WNT4: variants seen among roughly 807,000 people sequenced by gnomAD.
WNT4 encodes Wnt family member 4.
In WNT4, 16 loss-of-function variants were observed where a neutral mutation model predicts 34.5. That is an observed-to-expected ratio of 0.46 (90% CI 0.31 to 0.70). WNT4 has a LOEUF of 0.70. WNT4 is among the 30% of genes least tolerant of loss of function. WNT4 has a pLI of 0.04. For synonymous variants in WNT4, 200 were observed against 211.9 expected, an observed-to-expected ratio of 0.94 and a Z score of 0.49; for missense variants, 379 against 495.9, an observed-to-expected ratio of 0.76 and a Z score of 2.24.
At chr1:22,131,379 G>A (rs1248790449) in intron 1 of WNT4, among the ~76,000 whole-genome samples, 1 of 152,248 alleles carries the variant, frequency 6.6e-6, no homozygotes. Flanking sequence ...TCCCAGTGGG[G>A]GTTGGTGGGC....
At chr1:22,141,993 C>G (rs1646071608) in intron 1 of WNT4, among the ~76,000 whole-genome samples, 1 of 152,178 alleles carries the variant, frequency 6.6e-6, no homozygotes, top group African/African-American at 2.4e-5. Context: ...GGGGAACTGT[C>G]CCTGAGCGGG....
At position 22,120,359 on chromosome 1, in the gene WNT4, C is replaced by A. The variant is rs761338261; in HGVS notation, c.747G>T (p.Val249=). The change falls in exon 5 of 5, where the codon GTG becomes GTT. Residue 249 remains valine (V), a synonymous_variant. Transcript: ENST00000290167. ...GTGGCACCAGTGCCCTGGAGGAGCC[C>A]ACGCGGCGTGGCTCCACCTCAGTGG... ...DGATEVEPRR[V]GSSRALVPRN... 1 of 1,614,224 alleles carries A rather than the reference C, an allele frequency of 6.2e-7. No homozygotes were observed. Among genetic ancestry groups the A allele is most frequent in the Non-Finnish European group, 8.5e-7 (1 of 1,180,046 alleles).
intron 2 of WNT4, chr1:22,127,083 A>G (rs1645945852): frequency 5.7e-6 from 2 of 352,360 alleles, no homozygotes; most frequent in African/African-American, 2.2e-5. Context: ...CAAAAACGTA[A>G]AAGGGAGGAG....
In WNT4 at chr1:22,120,121, T is replaced by C. The variant is rs1557921829; in HGVS notation, c.985A>G (p.Lys329Glu). The part of the protein sequence containing the change: ...QVELAERCSC[K>E]FHWCCFVKCR... ...TTGACGAAGCAGCACCAGTGGAATT[T>C]GCAGCTGCAGCGTTCAGCCAGCTCC... Residue 329 changes from lysine to glutamate, a missense_variant, in exon 5 of 5, where the codon AAA becomes GAA. Transcript: ENST00000290167. The C allele has an allele frequency of 6.2e-7, 1 of 1,613,242 alleles. No individual in the cohort carries two copies. The highest frequency in any genetic ancestry group is 1.6e-4 in the Middle Eastern group (1 of 6,062).
At position 22,120,524 on chromosome 1, in the gene WNT4, G is replaced by A. The variant is rs779315693; in HGVS notation, c.589-7C>T. Reference sequence around the variant, plus strand: ...GCATGTGTGTCAGGATGGCCTGTGGGAGAGGGTGGGGGAGAGGGGCCATCA... The same window carrying A: ...GCATGTGTGTCAGGATGGCCTGTGGAAGAGGGTGGGGGAGAGGGGCCATCA... On this transcript the variant is annotated splice_region_variant and splice_polypyrimidine_tract_variant and intron_variant, in intron 4 of 4. Transcript: ENST00000290167. 6.2e-7 allele frequency: 1 copy of A among 1,605,530 alleles called. No individual in the cohort carries two copies. Among genetic ancestry groups the A allele is most frequent in the South Asian group, 1.1e-5 (1 of 90,176 alleles).
rs149484246 is a variant in WNT4 at position 22,131,141 on chromosome 1, C to T, written c.78-1290G>A. On this transcript the variant is annotated intron_variant, in intron 1 of 4. Transcript: ENST00000290167. The stretch of plus-strand genomic sequence containing the variant: ...CAGTATTCTCTGTGTGGCTCAAAGA[C>T]TAGAATTGACACTGTGGCCAGAAGC... 6.6e-5 allele frequency among the ~76,000 whole-genome samples: 10 copies of T among 152,358 alleles called. No individual in the cohort carries two copies. In the East Asian group the frequency reaches 1.3e-3, roughly 21 times the overall value.
Position 22,142,644 on chromosome 1 carries a change from A to G in WNT4, c.77+202T>C, listed in dbSNP as rs2124145261. Among the ~76,000 whole-genome samples the G allele has an allele frequency of 1.3e-5, 2 of 151,398 alleles. No individual in the cohort carries two copies. The highest frequency in any genetic ancestry group is 4.2e-4 in the South Asian group (2 of 4,792). On this transcript the variant is annotated intron_variant, in intron 1 of 4. Transcript: ENST00000290167. The surrounding 1 kb of genome is among the most constrained non-coding windows in gnomAD (Gnocchi z 6.0). Reference sequence around the variant, plus strand: ...CTGACGCCTCTGGGCAGGGAGCCGGACCCGGGCAGGAGGGGACCCCGGGTG... The same window carrying G: ...CTGACGCCTCTGGGCAGGGAGCCGGGCCCGGGCAGGAGGGGACCCCGGGTG...
chr1:22,129,569 C>T (rs763552648), intron 2 of WNT4, 47 bp downstream of exon 2: 1 of 1,583,828 alleles, frequency 6.3e-7, no homozygotes, highest in Non-Finnish European at 8.6e-7. Flanking sequence ...TGGGCCCATG[C>T]CCTGGCACCG....
At chr1:22,127,444 A>G (rs1236400679) in intron 2 of WNT4, 1 of 533,414 alleles carries the variant, frequency 1.9e-6, no homozygotes, top group Admixed American at 1.9e-5. Context: ...CTGTCAGTAG[A>G]TGACATCCAC....
chr1:22,138,262 T>C (rs1646037414), intron 1 of WNT4, among the ~76,000 whole-genome samples: 1 of 152,182 alleles, frequency 6.6e-6, no homozygotes, highest in African/African-American at 2.4e-5. Context: ...TCTGGGCCTC[T>C]GAAGTGGGGC....
chr1:22,142,873 A>G lies in WNT4; in HGVS notation c.50T>C (p.Val17Ala), dbSNP rs1646082841. The stretch of plus-strand genomic sequence containing the variant: ...CCAGTTGCTCGCGGCGGCTGAGAAG[A>G]CGGCGAAGACGAGGAGGCGCAGCGA... ...LRSLRLLVFA[V>A]FSAAASNWLY... is the part of the protein sequence containing the mutation. The change falls in exon 1 of 5, where the codon GTC becomes GCC. Residue 17 changes from valine to alanine, a missense_variant. By Grantham distance (64) the Val-to-Ala change is moderately conservative. Transcript: ENST00000290167. The surrounding 1 kb of genome is among the most constrained non-coding windows in gnomAD (Gnocchi z 6.0). 8.3e-6 allele frequency: 10 copies of G among 1,211,568 alleles called. No individual in the cohort carries two copies. The highest frequency in any genetic ancestry group is 1.1e-5 in the Non-Finnish European group (10 of 946,584). 75.1% of individuals were successfully genotyped at this position (1,211,568 alleles called of 1,614,324 possible).
At chr1:22,123,756 CTG>C (rs1164213868) in intron 2 of WNT4, among the ~76,000 whole-genome samples, 1 of 152,168 alleles carries the variant, frequency 6.6e-6, no homozygotes, top group African/African-American at 2.4e-5. Flanking sequence ...CCCAGAGGCT[CTG>C]AGCCCCTGGG....
At chr1:22,135,108 A>C (rs912716833) in intron 1 of WNT4, among the ~76,000 whole-genome samples, 2 of 152,168 alleles carry the variant, frequency 1.3e-5, no homozygotes, top group African/African-American at 4.8e-5. Flanking sequence ...CTGCTAGGAC[A>C]TCAAGAGCTG....
In WNT4 at chr1:22,137,155, C is replaced by T. The variant is rs1646028393; in HGVS notation, c.77+5691G>A. Among the ~76,000 whole-genome samples the T allele has an allele frequency of 6.6e-6, 1 of 152,234 alleles. No individual in the cohort carries two copies. Among genetic ancestry groups the T allele is most frequent in the Non-Finnish European group, 1.5e-5 (1 of 68,044 alleles). Reference sequence around the variant, plus strand: ...TCCCACCTCCCTCCCGCTCTCTCCTCAGACCAGGTCCCCTCCTCTGCGGGG... The same window carrying T: ...TCCCACCTCCCTCCCGCTCTCTCCTTAGACCAGGTCCCCTCCTCTGCGGGG... On this transcript the variant is annotated intron_variant, in intron 1 of 4. Coordinates refer to ENST00000290167, the MANE Select transcript of WNT4 (RefSeq NM_030761.5). The surrounding 1 kb of genome is among the most constrained non-coding windows in gnomAD (Gnocchi z 5.3).
Position 22,126,970 on chromosome 1 carries a change from A to G in WNT4, c.313+2646T>C, listed in dbSNP as rs915678615. 3 of 311,074 alleles carry G rather than the reference A, an allele frequency of 9.6e-6. No individual in the cohort carries two copies. In the Admixed American group the frequency reaches 1.4e-4, roughly 14 times the overall value. The allele number at this position is 311,074 out of a possible 1,614,324, so 19.3% of individuals were successfully genotyped here. ...GCCAATCCCTGCACCTTCTGAGAGC[A>G]GTGCTTCCCTCTCAGACCTCAGGAG... On this transcript the variant is annotated intron_variant, in intron 2 of 4. Coordinates refer to ENST00000290167, the MANE Select transcript of WNT4 (RefSeq NM_030761.5).
intron 1 of WNT4, 91 bp from the exon 2 acceptor site, chr1:22,129,942 A>T: frequency 6.9e-7 from 1 of 1,449,948 alleles, no homozygotes; most frequent in Non-Finnish European, 9.6e-7. Context: ...GTCTCTGGGA[A>T]CTGACTCGTC....
At chr1:22,122,137 C>T (rs1433388566) in intron 2 of WNT4, among the ~76,000 whole-genome samples, 1 of 152,222 alleles carries the variant, frequency 6.6e-6, no homozygotes, top group Non-Finnish European at 1.5e-5. Flanking sequence ...TTGCCCCTTC[C>T]TCTGAGACTG....
chr1:22,142,931 C>A lies in WNT4; in HGVS notation c.-9G>T. ...CACGAGCGGGGACTCATGGTGCCGC[C>A]GCGGGCGCCCGGCCCGGGGCAGCGG... On this transcript the variant is annotated 5_prime_UTR_variant, in exon 1 of 5. Transcript: ENST00000290167. The surrounding 1 kb of genome is among the most constrained non-coding windows in gnomAD (Gnocchi z 6.0). 1 of 1,127,092 alleles carries A rather than the reference C, an allele frequency of 8.9e-7. No individual in the cohort carries two copies. The allele number at this position is 1,127,092 out of a possible 1,614,324, so 69.8% of individuals were successfully genotyped here.
In WNT4 at chr1:22,139,140, G is replaced by A. The variant is rs1323661032; in HGVS notation, c.77+3706C>T. On this transcript the variant is annotated intron_variant, in intron 1 of 4. Transcript: ENST00000290167. The surrounding 1 kb of genome is among the most constrained non-coding windows in gnomAD (Gnocchi z 4.6). Reference sequence around the variant, plus strand: ...GTGTTAAATCAGTGGATCTGGGTGGGACAGCCTGGGATAAACAGGGCTTGG... The same window carrying A: ...GTGTTAAATCAGTGGATCTGGGTGGAACAGCCTGGGATAAACAGGGCTTGG... Among the ~76,000 whole-genome samples the A allele has an allele frequency of 1.3e-5, 2 of 152,164 alleles. No individual in the cohort carries two copies. The highest frequency in any genetic ancestry group is 4.8e-5 in the African/African-American group (2 of 41,440).
Sources: gnomAD v4.1 joint callset for allele counts (sites outside exome capture counted in the v4.1 genomes callset) on GRCh38, gnomAD v4.1.1 for gene constraint, Gnocchi (gnomAD v3.1) non-coding constraint, MANE v1.5 for transcripts, NCBI Gene and HGNC (gene_info 2026-07-23, HGNC 2026-07-21) for gene names.